CACNA1C: variants seen among roughly 807,000 people sequenced by gnomAD.
CACNA1C encodes the protein calcium voltage-gated channel subunit alpha1 C.
A neutral mutation model predicts 229.0 loss-of-function variants in CACNA1C; 30 were observed. The observed-to-expected ratio is 0.13, with a 90% CI of 0.10 to 0.18. The LOEUF (loss-of-function observed/expected upper bound fraction) is 0.18, where lower values mean the gene tolerates loss of function less well. Ranked by LOEUF, CACNA1C falls within the 10% of genes least tolerant of loss-of-function variation. The pLI is 1.00. For synonymous variants in CACNA1C, 1,114 were observed against 1,132.5 expected (o/e 0.98, Z 0.33); for missense variants, 1,658 against 2,845.0 (o/e 0.58, Z 9.49).
At chr12:2,044,305 G>A (rs1350241467) in intron 1 of CACNA1C, among the ~76,000 whole-genome samples, 1 of 152,182 alleles carries the variant, frequency 6.6e-6, no homozygotes, top group Non-Finnish European at 1.5e-5. Flanking sequence ...ACTCTGCCCA[G>A]CTCTTGTTTC....
upstream of CACNA1C, chr12:2,049,573 G>A (rs1001862696): frequency 3.9e-5 from 6 of 152,138 alleles, no homozygotes; most frequent in Admixed American, 3.9e-4. Flanking sequence ...TATGTACAAG[G>A]CATTATGTTA....
rs1244424496 is a variant in CACNA1C, at chr12:2,200,985, A to G, written c.477+80555A>G. On this transcript the variant is annotated intron_variant, in intron 3 of 46. Coordinates refer to ENST00000399655, the MANE Select transcript of CACNA1C (RefSeq NM_000719.7). The stretch of plus-strand genomic sequence containing the variant: ...AGCCTAGACATCTGTTTGAAAAACC[A>G]TTAGATTAGTATTCTTTTTTGCAAT... 3.1e-4 allele frequency among the ~76,000 whole-genome samples: 47 copies of G among 152,244 alleles called. 1 individual carries two copies. Among genetic ancestry groups the G allele is most frequent in the Admixed American group, 3.1e-3 (47 of 15,278 alleles).
intron 3 of CACNA1C, among the ~76,000 whole-genome samples, chr12:2,357,275 T>C (rs2097399042): frequency 6.6e-6 from 1 of 152,188 alleles, no homozygotes; most frequent in South Asian, 2.1e-4. Context: ...CCAAGGAAGC[T>C]GGCATCTCTG....
At chr12:2,035,652 C>G (rs2049004586) in intron 1 of CACNA1C, among the ~76,000 whole-genome samples, 1 of 152,206 alleles carries the variant, frequency 6.6e-6, no homozygotes, top group Non-Finnish European at 1.5e-5. Flanking sequence ...GCTGGGATCC[C>G]CATAATATGT....
intron 3 of CACNA1C, among the ~76,000 whole-genome samples, chr12:2,409,816 G>A (rs566281270): frequency 6.6e-6 from 1 of 152,352 alleles, no homozygotes; most frequent in African/African-American, 2.4e-5. Context: ...AGAAAGAGGA[G>A]CCAACGCAGG....
intron 3 of CACNA1C, among the ~76,000 whole-genome samples, chr12:2,379,120 G>A (rs1227132782): frequency 6.6e-6 from 1 of 152,170 alleles, no homozygotes; most frequent in East Asian, 1.9e-4. Flanking sequence ...CCTAAATCAA[G>A]GGCCTCTCTT....
rs2096905386 is a variant in CACNA1C, at chr12:2,342,891, A to G, written c.478-106085A>G. ...GAGGATGCTTATTTTTTATTCCATC[A>G]GTGAATCTTTGTGATAACAAGCATC... On this transcript the variant is annotated intron_variant, in intron 3 of 46. Transcript: ENST00000399655. 2.6e-5 allele frequency among the ~76,000 whole-genome samples: 4 copies of G among 152,356 alleles called. No individual in the cohort carries two copies. The South Asian group carries it at 8.3e-4, about 32-fold the overall frequency.
chr12:2,155,015 T>G (rs1029916698), intron 3 of CACNA1C, among the ~76,000 whole-genome samples: 2 of 152,126 alleles, frequency 1.3e-5, no homozygotes, highest in Non-Finnish European at 2.9e-5. Flanking sequence ...GTGTGTTGAG[T>G]TATCGGGAGA....
rs542191027 is a variant in CACNA1C at position 2,439,527 on chromosome 12, C to T, written c.478-9449C>T. On this transcript the variant is annotated intron_variant, in intron 3 of 46. Transcript: ENST00000399655. ...CGTGCACAGGGCTAGTGTCAGACAACGAGGCAGCTTTCAGCACCCTGGATC... is the reference window on the plus strand; with the variant it reads ...CGTGCACAGGGCTAGTGTCAGACAATGAGGCAGCTTTCAGCACCCTGGATC... 5.9e-5 allele frequency among the ~76,000 whole-genome samples: 9 copies of T among 152,204 alleles called. No homozygotes were observed. In the South Asian group the frequency reaches 1.2e-3, roughly 21 times the overall value.
At chr12:2,487,122 G>A (rs113182005) in intron 6 of CACNA1C, among the ~76,000 whole-genome samples, 2,589 of 152,062 alleles carry the variant, frequency 0.017, 77 homozygotes, top group African/African-American at 0.059. Context: ...CATATACAGT[G>A]GCTTAACACA....
intron 1 of CACNA1C, among the ~76,000 whole-genome samples, chr12:2,082,004 C>T (rs11062110): frequency 0.023 from 3,421 of 151,986 alleles, 58 homozygotes; most frequent in Non-Finnish European, 0.033. Flanking sequence ...AAAAAGGTAA[C>T]GCTGCCATTT....
At chr12:2,038,348 TA>T (rs1417450758) in intron 1 of CACNA1C, among the ~76,000 whole-genome samples, 1 of 152,236 alleles carries the variant, frequency 6.6e-6, no homozygotes, top group Non-Finnish European at 1.5e-5. Context: ...GTGACTTTTA[TA>T]ATCACTAATA....
At chr12:2,061,123 C>A in intron 1 of CACNA1C, among the ~76,000 whole-genome samples, 1 of 133,012 alleles carries the variant, frequency 7.5e-6, no homozygotes, top group African/African-American at 3.2e-5. Flanking sequence ...CAGAAGGAAT[C>A]AAATCCCTTT....
At chr12:2,687,720 G>GT (rs1458804285) in intron 45 of CACNA1C, among the ~76,000 whole-genome samples, 1 of 152,108 alleles carries the variant, frequency 6.6e-6, no homozygotes, top group East Asian at 1.9e-4. Context: ...TGCATTTGTA[G>GT]TAGAGACTGG....
chr12:2,356,836 C>T (rs1307377683), intron 3 of CACNA1C, among the ~76,000 whole-genome samples: 1 of 152,238 alleles, frequency 6.6e-6, no homozygotes, highest in African/African-American at 2.4e-5. Context: ...ACCTGCATTC[C>T]CATTCCACAG....
intron 39 of CACNA1C, among the ~76,000 whole-genome samples, chr12:2,675,397 T>TTGATTTGCCA (rs1224442243): frequency 6.6e-6 from 1 of 152,168 alleles, no homozygotes; most frequent in Non-Finnish European, 1.5e-5. Flanking sequence ...TGTCAACACT[T>TTGATTTGCCA]TGATTTGCCA....
Position 2,696,713 on chromosome 12 carries a change from G to T in CACNA1C, c.*5514G>T, listed in dbSNP as rs2097844924. The stretch of plus-strand genomic sequence containing the variant: ...ACAGAATGATTCTTATTCACTGTTT[G>T]GGTCTGGAGAATTCCCATTGTGGAA... On this transcript the variant is annotated 3_prime_UTR_variant, in exon 47 of 47. Coordinates refer to ENST00000399655, the MANE Select transcript of CACNA1C (RefSeq NM_000719.7). 1 of 152,022 alleles carries T rather than the reference G, an allele frequency of 6.6e-6. No homozygotes were observed. Among genetic ancestry groups the T allele is most frequent in the South Asian group, 2.1e-4 (1 of 4,822 alleles). The allele number at this position is 152,022 out of a possible 1,614,324, so 9.4% of individuals were successfully genotyped here. A position where few individuals can be genotyped will look rare whatever the true frequency, so the allele number is the denominator to read the frequency against.
At chr12:2,422,746 G>A (rs1032184368) in intron 3 of CACNA1C, among the ~76,000 whole-genome samples, 1 of 152,198 alleles carries the variant, frequency 6.6e-6, no homozygotes, top group Admixed American at 6.5e-5. Context: ...GGCAGCAGCT[G>A]CTGGAGTGCT....
At chr12:2,266,705 T>C (rs890370795) in intron 3 of CACNA1C, among the ~76,000 whole-genome samples, 1 of 152,322 alleles carries the variant, frequency 6.6e-6, no homozygotes, top group African/African-American at 2.4e-5. Flanking sequence ...AGGAATGTTA[T>C]AAGGATCAAG....
Sources: gnomAD v4.1 joint callset for allele counts (sites outside exome capture counted in the v4.1 genomes callset) on GRCh38, gnomAD v4.1.1 for gene constraint, MANE v1.5 for transcripts, NCBI Gene and HGNC (gene_info 2026-07-23, HGNC 2026-07-21) for gene names.